The following NUP160 variants were observed in gnomAD, a reference collection of about 807,000 sequenced individuals.
NUP160 encodes the protein nuclear pore complex protein Nup160.
NUP160 carries 94 observed loss-of-function variants against 196.9 expected under a neutral mutation model. That is an observed-to-expected ratio of 0.48 (90% CI 0.40 to 0.57). The LOEUF (loss-of-function observed/expected upper bound fraction) is 0.57, where lower values mean the gene tolerates loss of function less well. NUP160 is among the 20% of genes least tolerant of loss of function. NUP160 has a pLI of 0.00. For synonymous variants in NUP160, 605 were observed against 619.7 expected (o/e 0.98, Z 0.35); for missense variants, 1,638 against 1,748.3 (o/e 0.94, Z 1.13).
intron 17 of NUP160, among the ~76,000 whole-genome samples, chr11:47,809,144 G>A (rs960053746): frequency 1.3e-4 from 19 of 150,378 alleles, no homozygotes; most frequent in African/African-American, 4.4e-4. Context: ...GTATGTGCCT[G>A]TAGTCCCAGG....
intron 7 of NUP160, among the ~76,000 whole-genome samples, chr11:47,830,156 CAAT>C (rs896092246): frequency 6.6e-6 from 1 of 152,134 alleles, no homozygotes; most frequent in Non-Finnish European, 1.5e-5. Context: ...ATCAAAACCA[CAAT>C]GAGATACCAT....
intron 7 of NUP160, among the ~76,000 whole-genome samples, chr11:47,824,738 C>T (rs2135387996): frequency 6.6e-6 from 1 of 152,228 alleles, no homozygotes; most frequent in East Asian, 1.9e-4. Context: ...CTCTTGGGCT[C>T]AAGCTATCTT....
intron 27 of NUP160, among the ~76,000 whole-genome samples, chr11:47,797,531 G>A (rs904935582): frequency 6.6e-6 from 1 of 152,136 alleles, no homozygotes; most frequent in South Asian, 2.1e-4. Flanking sequence ...AAGCCACTGC[G>A]CCCAGTGCTA....
rs776597069 is a variant in NUP160, at chr11:47,847,963, C to A, written c.203-4G>T. 3 of 1,611,966 alleles carry A rather than the reference C, an allele frequency of 1.9e-6. No individual in the cohort carries two copies. The highest frequency in any genetic ancestry group is 2.5e-6 in the Non-Finnish European group (3 of 1,178,120). On this transcript the variant is annotated splice_region_variant and splice_polypyrimidine_tract_variant and intron_variant, in intron 1 of 35. Coordinates refer to ENST00000378460, the Ensembl canonical transcript of NUP160. ...CCAGCCACGGCATTTGCAGTCCCTG[C>A]AAAATGAACGTGGTCAGCCTGCACA...
exon 1 of NUP160, chr11:47,848,440 C>G: frequency 5.3e-6 from 8 of 1,514,312 alleles, no homozygotes; most frequent in Non-Finnish European, 7.0e-6. Flanking sequence ...AGAAAGGCGG[C>G]TCCGGCCCTT....
chr11:47,798,002 A>G (rs1223951394), exon 26 of NUP160: 4 of 1,579,702 alleles, frequency 2.5e-6, no homozygotes, highest in Non-Finnish European at 2.6e-6. Flanking sequence ...TCACATAGGG[A>G]AACTCTACAA....
At chr11:47,794,765 T>G (rs928416826) in intron 27 of NUP160, among the ~76,000 whole-genome samples, 1 of 151,670 alleles carries the variant, frequency 6.6e-6, no homozygotes, top group African/African-American at 2.4e-5. Flanking sequence ...CAAAAAAAAT[T>G]GTCGAGCGTG....
rs775625696 is a variant in NUP160, at chr11:47,839,236, C to A, written c.748+607G>T. On this transcript the variant is annotated intron_variant, in intron 4 of 35. Transcript: ENST00000378460. ...CCTCCCGAGTAGCTGGGATTACAGG[C>A]ATGGGCCACCATGCCCAGCTAATTT... Among the ~76,000 whole-genome samples the A allele has an allele frequency of 1.8e-3, 272 of 152,096 alleles. 1 individual carries two copies. The highest frequency in any genetic ancestry group is 2.9e-3 in the Non-Finnish European group (200 of 68,022).
chr11:47,807,839 A>G (rs2097678649), intron 18 of NUP160, among the ~76,000 whole-genome samples: 1 of 152,132 alleles, frequency 6.6e-6, no homozygotes, highest in Non-Finnish European at 1.5e-5. Context: ...ACATAAGTAT[A>G]ATACATAATT....
At chr11:47,826,796 C>T (rs935181900) in intron 7 of NUP160, among the ~76,000 whole-genome samples, 6 of 152,146 alleles carry the variant, frequency 3.9e-5, no homozygotes, top group Non-Finnish European at 7.4e-5. Flanking sequence ...CTCCTGACCT[C>T]AGGTGATCTG....
At chr11:47,812,707 G>C (rs751750141) in intron 15 of NUP160, among the ~76,000 whole-genome samples, 175 bp downstream of exon 15, 3 of 152,224 alleles carry the variant, frequency 2.0e-5, no homozygotes, top group Non-Finnish European at 4.4e-5. Flanking sequence ...TTCTAGACTT[G>C]AAGTCGTGTT....
At chr11:47,835,686 G>A in exon 7 of NUP160, 2 of 1,601,874 alleles carry the variant, frequency 1.2e-6, no homozygotes, top group South Asian at 1.1e-5. Flanking sequence ...TATATCCCCA[G>A]GTAGAGTCCC....
At chr11:47,809,133 G>A (rs2097679505) in intron 17 of NUP160, among the ~76,000 whole-genome samples, 2 of 151,460 alleles carry the variant, frequency 1.3e-5, no homozygotes, top group South Asian at 4.2e-4. Context: ...CCTGAGTGGT[G>A]GTATGTGCCT....
At chr11:47,827,206 A>G (rs540769939) in intron 7 of NUP160, 16 of 453,790 alleles carry the variant, frequency 3.5e-5, no homozygotes, top group African/African-American at 3.0e-4. Context: ...TACCAAAAAT[A>G]CAAAAAAATT....
intron 2 of NUP160, among the ~76,000 whole-genome samples, chr11:47,842,483 T>C (rs1468253658): frequency 1.3e-5 from 2 of 152,120 alleles, no homozygotes; most frequent in African/African-American, 4.8e-5. Context: ...TTCTCTACCA[T>C]GCCCTTTGGG....
chr11:47,834,472 T>C (rs1852136492), intron 7 of NUP160, among the ~76,000 whole-genome samples: 1 of 152,156 alleles, frequency 6.6e-6, no homozygotes, highest in South Asian at 2.1e-4. Context: ...GATAAATGTC[T>C]TGATAGCATG....
At chr11:47,779,565 C>G in intron 35 of NUP160, 1 of 519,518 alleles carries the variant, frequency 1.9e-6, no homozygotes. Flanking sequence ...TCAGGAGGCA[C>G]TCTATCTCAC....
At position 47,815,688 on chromosome 11, in the gene NUP160, C is replaced by T. The variant is rs771372278; in HGVS notation, c.1516-39G>A. On this transcript the variant is annotated intron_variant, in intron 12 of 35. Coordinates refer to ENST00000378460, the Ensembl canonical transcript of NUP160. ...AATGAAAGAAATTAAACTTTTGATG[C>T]CATTCAGGATCTTTGTCCACAAAAA... The T allele has an allele frequency of 2.7e-6, 4 of 1,499,120 alleles. No homozygotes were observed. The Admixed American group carries it at 6.3e-5, about 24-fold the overall frequency. 92.9% of individuals were successfully genotyped at this position (1,499,120 alleles called of 1,614,324 possible).
chr11:47,830,197 A>G (rs1852046115), intron 7 of NUP160, among the ~76,000 whole-genome samples: 1 of 152,240 alleles, frequency 6.6e-6, no homozygotes, highest in Non-Finnish European at 1.5e-5. Flanking sequence ...GGCTATTAAA[A>G]AGTCAAAAAA....
Sources: gnomAD v4.1 joint callset for allele counts (sites outside exome capture counted in the v4.1 genomes callset) on GRCh38, gnomAD v4.1.1 for gene constraint, MANE v1.5 for transcripts, NCBI Gene and HGNC (gene_info 2026-07-23, HGNC 2026-07-21) for gene names.